Variants in XKR9 observed in about 807,000 individuals in gnomAD.
XKR9 encodes the protein XK related 9.
Under a neutral mutation model 32.0 loss-of-function variants are expected in XKR9, and 32 were observed. The ratio of observed to expected loss-of-function variants is 1.00; its 90% confidence interval spans 0.76 to 1.34. The LOEUF (loss-of-function observed/expected upper bound fraction) is 1.34. Among genes scored for constraint, XKR9 ranks in the 40% most tolerant of loss-of-function variants. The probability of loss-of-function intolerance (pLI) is 0.00; values close to 1 mark genes in which losing one functional copy is unlikely to be tolerated. For synonymous variants in XKR9, 168 were observed against 143.4 expected (o/e 1.17, Z -1.22); for missense variants, 546 against 429.7 (o/e 1.27, Z -2.39).
the XKR9 span, among the ~76,000 whole-genome samples, chr8:70,920,967 A>G: frequency 6.6e-6 from 1 of 152,304 alleles, no homozygotes; most frequent in South Asian, 2.1e-4. Flanking sequence ...CACCTCGCAG[A>G]GTTCTCTTGT....
chr8:70,856,639 G>T, the XKR9 span, among the ~76,000 whole-genome samples: 1 of 152,146 alleles, frequency 6.6e-6, no homozygotes, highest in African/African-American at 2.4e-5. Context: ...GACATCTGCA[G>T]AACTCTTCAC....
chr8:70,857,014 G>C, the XKR9 span, among the ~76,000 whole-genome samples: 1 of 152,134 alleles, frequency 6.6e-6, no homozygotes, highest in Non-Finnish European at 1.5e-5. Context: ...GCCCACAAGA[G>C]AAAGCAGGAA....
At chr8:70,939,251 C>T in the XKR9 span, among the ~76,000 whole-genome samples, 1 of 151,984 alleles carries the variant, frequency 6.6e-6, no homozygotes, top group Admixed American at 6.6e-5. Flanking sequence ...AAAACAAGAA[C>T]GTTAAAATGT....
At chr8:70,895,512 A>G in the XKR9 span, among the ~76,000 whole-genome samples, 1 of 152,188 alleles carries the variant, frequency 6.6e-6, no homozygotes, top group African/African-American at 2.4e-5. Flanking sequence ...CATCTACAAA[A>G]GTTGGAATTT....
the XKR9 span, among the ~76,000 whole-genome samples, chr8:70,902,977 C>A: frequency 6.6e-6 from 1 of 152,090 alleles, no homozygotes. Flanking sequence ...GCCTTGCATC[C>A]CAGGGATGAA....
the XKR9 span, among the ~76,000 whole-genome samples, chr8:70,805,478 CGG>C: frequency 6.6e-6 from 1 of 152,146 alleles, no homozygotes; most frequent in Non-Finnish European, 1.5e-5. Flanking sequence ...AAGCCAGCAC[CGG>C]GACTCACAAC....
chr8:70,738,844 A>G (rs1340818323), downstream of XKR9, among the ~76,000 whole-genome samples: 1 of 152,126 alleles, frequency 6.6e-6, no homozygotes, highest in Non-Finnish European at 1.5e-5. Context: ...ACAGTTTGTT[A>G]TAATTTCTGG....
intron 3 of XKR9, among the ~76,000 whole-genome samples, chr8:70,701,651 A>C (rs1805540976): frequency 6.6e-6 from 1 of 152,184 alleles, no homozygotes; most frequent in Admixed American, 6.5e-5. Flanking sequence ...TGTCCAGGCT[A>C]AGTATTGCAA....
the XKR9 span, among the ~76,000 whole-genome samples, chr8:70,891,800 A>G: frequency 6.6e-6 from 1 of 151,978 alleles, no homozygotes; most frequent in Non-Finnish European, 1.5e-5. Flanking sequence ...GTTTAAATCC[A>G]ATGTTTCTTT....
chr8:70,755,867 A>C (rs1206218777), intron 2 of XKR9, among the ~76,000 whole-genome samples: 3 of 151,076 alleles, frequency 2.0e-5, no homozygotes, highest in African/African-American at 7.3e-5. Context: ...ATATGTAACT[A>C]ATCTGCACAT....
chr8:70,925,170 T>C, the XKR9 span, among the ~76,000 whole-genome samples: 7 of 152,328 alleles, frequency 4.6e-5, no homozygotes, highest in South Asian at 2.1e-4. Context: ...GTACTTTTTA[T>C]AGTACAAGGA....
At chr8:70,805,645 G>A in the XKR9 span, among the ~76,000 whole-genome samples, 1 of 152,204 alleles carries the variant, frequency 6.6e-6, no homozygotes, top group African/African-American at 2.4e-5. Flanking sequence ...TGGCAGACTG[G>A]CCAGAGTGCC....
chr8:70,883,448 A>T, the XKR9 span, among the ~76,000 whole-genome samples: 1 of 151,924 alleles, frequency 6.6e-6, no homozygotes, highest in Admixed American at 6.6e-5. Flanking sequence ...TTGTGTGTGT[A>T]TGTGTCTTCT....
chr8:70,802,104 T>C, the XKR9 span, among the ~76,000 whole-genome samples: 21 of 151,900 alleles, frequency 1.4e-4, no homozygotes, highest in East Asian at 4.1e-3. Flanking sequence ...GCCCGGCTAT[T>C]TTTTTGTATT....
At chr8:71,032,796 A>G in the XKR9 span, among the ~76,000 whole-genome samples, 1 of 152,218 alleles carries the variant, frequency 6.6e-6, no homozygotes, top group Non-Finnish European at 1.5e-5. Flanking sequence ...CGTGTTTTAA[A>G]AATATTGGCT....
At chr8:70,988,645 C>G in the XKR9 span, among the ~76,000 whole-genome samples, 1 of 152,156 alleles carries the variant, frequency 6.6e-6, no homozygotes, top group Non-Finnish European at 1.5e-5. Context: ...CATCCAATTT[C>G]TGTGACCCCA....
At chr8:70,672,370 A>T (rs1818741646) in intron 1 of XKR9, among the ~76,000 whole-genome samples, 1 of 150,220 alleles carries the variant, frequency 6.7e-6, no homozygotes. Context: ...ACCAAAACAG[A>T]GATATAGATC....
chr8:70,800,068 G>A, the XKR9 span, among the ~76,000 whole-genome samples: 2 of 152,160 alleles, frequency 1.3e-5, no homozygotes, highest in East Asian at 3.8e-4. Context: ...TTTCTAACAT[G>A]AAGGAATGTT....
the XKR9 span, among the ~76,000 whole-genome samples, chr8:71,047,606 T>C: frequency 6.6e-6 from 1 of 152,206 alleles, no homozygotes. Context: ...TAATATGCAA[T>C]CTCTCTGTGT....
Sources: gnomAD v4.1 joint callset for allele counts (sites outside exome capture counted in the v4.1 genomes callset) on GRCh38, gnomAD v4.1.1 for gene constraint, MANE v1.5 for transcripts, NCBI Gene and HGNC (gene_info 2026-07-23, HGNC 2026-07-21) for gene names.